The following TAF1 variants were observed in gnomAD, a reference collection of about 807,000 sequenced individuals.
TAF1 encodes the protein TATA-box binding protein associated factor 1.
Under a neutral mutation model 138.5 loss-of-function variants are expected in TAF1, and 2 were observed. The observed-to-expected ratio is 0.01, with a 90% CI of 0.01 to 0.05. TAF1 has a LOEUF of 0.05. Ranked by LOEUF, TAF1 falls within the 10% of genes least tolerant of loss-of-function variation. TAF1 has a pLI of 1.00. For synonymous variants in TAF1, 437 were observed against 503.2 expected (o/e 0.87, Z 1.76); for missense variants, 709 against 1,478.0 (o/e 0.48, Z 8.53).
Position 71,528,538 on chromosome X carries a change from A to T in TAF1, c.1367-4A>T, listed in dbSNP as rs1443011971. The T allele has an allele frequency of 2.4e-5, 8 of 327,597 alleles. No homozygotes were observed. In the Admixed American group the frequency reaches 2.5e-4, roughly 10 times the overall value. The allele number at this position is 327,597 out of a possible 1,213,427, so 27.0% of individuals were successfully genotyped here. On this transcript the variant is annotated splice_region_variant and splice_polypyrimidine_tract_variant and intron_variant and NMD_transcript_variant, in intron 13 of 14. Coordinates refer to the TAF1 transcript ENST00000373775. ...CTTGGGCTCTGCATTGTAACTCCTT[A>T]CAGGTACCAATGAACAAGCCATTCA...
chrX:71,422,297 C>T (rs2036387675), intron 29 of TAF1, among the ~76,000 whole-genome samples: 1 of 108,601 alleles, frequency 9.2e-6, no homozygotes. Flanking sequence ...GTTGTTGACA[C>T]ATCCTTTTTG....
At chrX:71,494,901 G>A (rs942612991) in intron 13 of TAF1, among the ~76,000 whole-genome samples, 2 of 112,215 alleles carry the variant, frequency 1.8e-5, no homozygotes, top group Non-Finnish European at 3.8e-5. Context: ...CCCTGCCCAC[G>A]TCCTGCTGAT....
rs148599863 is a variant in TAF1 at position 71,378,313 on chromosome X, A to G, written c.1012A>G (p.Arg338Gly). ...DIDKVTDTKP[R>G]VAEWRYGPAR... ...AGATAAAGTGACAGATACCAAACCA[A>G]GAGTGGCTGAGTGGCGTTATGGGCC... The change falls in exon 7 of 38, where the codon AGA becomes GGA. Residue 338 changes from arginine (R) to glycine (G), a missense_variant. Physicochemically the swap from Arg to Gly is moderately radical, Grantham distance 125. This residue lies in a region of TAF1 where 201 missense variants were observed against 421.3 expected (regional missense o/e 0.48). Coordinates refer to ENST00000423759, the MANE Select transcript of TAF1 (RefSeq NM_004606.5). 7.4e-6 allele frequency: 9 copies of G among 1,210,147 alleles called. No individual in the cohort carries two copies. The African/African-American group carries it at 1.6e-4, about 21-fold the overall frequency.
chrX:71,524,465 C>T (rs1443508608), intron 13 of TAF1, among the ~76,000 whole-genome samples: 1 of 111,293 alleles, frequency 9.0e-6, no homozygotes, highest in East Asian at 2.8e-4. Flanking sequence ...AAATTAAGTA[C>T]CTTTTCCCCT....
intron 4 of TAF1, among the ~76,000 whole-genome samples, chrX:71,376,330 A>G (rs1376821181): frequency 1.8e-5 from 2 of 111,593 alleles, no homozygotes; most frequent in African/African-American, 3.3e-5. Flanking sequence ...AAAGTATTAC[A>G]TAGTTTTGCT....
chrX:71,499,855 T>G (rs1162826652), intron 13 of TAF1, among the ~76,000 whole-genome samples: 2 of 112,133 alleles, frequency 1.8e-5, no homozygotes, highest in Non-Finnish European at 3.8e-5. Flanking sequence ...TAGCATGACA[T>G]CTCTCCAAGT....
chrX:71,468,383 T>A (rs771557641), downstream of TAF1, among the ~76,000 whole-genome samples: 6 of 111,486 alleles, frequency 5.4e-5, no homozygotes, highest in African/African-American at 2.0e-4. Flanking sequence ...ATTATATTTT[T>A]AATATTAAAA....
At chrX:71,408,800 C>T (rs2035610944) in intron 28 of TAF1, among the ~76,000 whole-genome samples, 2 of 110,930 alleles carry the variant, frequency 1.8e-5, no homozygotes, top group African/African-American at 3.3e-5. Context: ...CCAAGGCAGG[C>T]GGATCACAAA....
At chrX:71,399,309 T>G (rs1406083217) in intron 24 of TAF1, among the ~76,000 whole-genome samples, 1 of 95,346 alleles carries the variant, frequency 1.0e-5, no homozygotes, top group Non-Finnish European at 2.1e-5. Flanking sequence ...CAGGCTGGAG[T>G]GCAATGGCGC....
At chrX:71,460,087 A>C (rs1275274735) in intron 36 of TAF1, among the ~76,000 whole-genome samples, 1 of 111,489 alleles carries the variant, frequency 9.0e-6, no homozygotes, top group East Asian at 2.8e-4. Context: ...AAAAGTAAAT[A>C]AATAAAAATT....
intron 13 of TAF1, among the ~76,000 whole-genome samples, chrX:71,496,843 T>C (rs771528147): frequency 3.6e-5 from 4 of 111,735 alleles, no homozygotes; most frequent in African/African-American, 6.5e-5. Flanking sequence ...CCTTTGACTT[T>C]CGCTTCAGCA....
chrX:71,417,756 A>G (rs1413498558), intron 28 of TAF1, among the ~76,000 whole-genome samples: 4 of 111,526 alleles, frequency 3.6e-5, no homozygotes, highest in African/African-American at 6.5e-5. Flanking sequence ...TCCACTCATT[A>G]TGTGTTTATT....
chrX:71,417,720 C>A (rs2036098929), intron 28 of TAF1, among the ~76,000 whole-genome samples: 1 of 111,357 alleles, frequency 9.0e-6, no homozygotes, highest in African/African-American at 3.3e-5. Flanking sequence ...GTTGTGCTGT[C>A]AGCAGTAAAT....
chrX:71,378,417 A>C lies in TAF1; in HGVS notation c.1116A>C (p.Thr372=), dbSNP rs749353610. Residue 372 remains threonine, a synonymous_variant, in exon 7 of 38, where the codon ACA becomes ACC. Transcript: ENST00000423759. ...GFDYGFKLRK[T]EHEPVIKSRM... Reference sequence around the variant, plus strand: ...ACTATGGCTTCAAACTGAGAAAGACAGAACATGAACCTGTGATAAAATCTA... The same window carrying C: ...ACTATGGCTTCAAACTGAGAAAGACCGAACATGAACCTGTGATAAAATCTA... The C allele has an allele frequency of 6.1e-5, 74 of 1,210,737 alleles. No individual in the cohort carries two copies. The Admixed American group carries it at 1.1e-3, about 18-fold the overall frequency.
intron 37 of TAF1, 33 bp from the exon 38 acceptor site, chrX:71,463,791 C>T (rs372740933): frequency 1.5e-4 from 178 of 1,190,512 alleles, no homozygotes; most frequent in Non-Finnish European, 1.8e-4. Context: ...GGATGGTGTC[C>T]GAGCTTGAGA....
downstream of TAF1, among the ~76,000 whole-genome samples, chrX:71,467,461 CT>C (rs752502843): frequency 1.8e-4 from 20 of 111,536 alleles, no homozygotes; most frequent in African/African-American, 5.9e-4. Context: ...GTGCTTATTT[CT>C]TCTAAGTTTG....
intron 13 of TAF1, among the ~76,000 whole-genome samples, chrX:71,504,741 C>CAAAAAAAAAAAA (rs41370846): frequency 0.013 from 77 of 5,726 alleles, 2 homozygotes; most frequent in Non-Finnish European, 0.019. Context: ...GACCCTGTCT[C>CAAAAAAAAAAAA]AAAAAAAAAA....
intron 13 of TAF1, among the ~76,000 whole-genome samples, chrX:71,518,302 G>A (rs1309692987): frequency 1.8e-5 from 2 of 111,392 alleles, no homozygotes; most frequent in African/African-American, 6.5e-5. Flanking sequence ...CAAGTAGCTG[G>A]GATTACAGGC....
chrX:71,397,285 A>C lies in TAF1; in HGVS notation c.3439A>C (p.Arg1147=). Residue 1147 remains arginine, a synonymous_variant, in exon 23 of 38, where the codon AGA becomes CGA. Transcript: ENST00000423759. ...AGSAASGNNH[R]DDDTASVTSL... Reference sequence around the variant, plus strand: ...CTCAGCAGCATCCGGAAACAATCACAGAGATGATGACACAGCTTCCGTGAC... The same window carrying C: ...CTCAGCAGCATCCGGAAACAATCACCGAGATGATGACACAGCTTCCGTGAC... 1 of 1,211,467 alleles carries C rather than the reference A, an allele frequency of 8.3e-7. No homozygotes were observed.
Sources: allele counts gnomAD v4.1 joint callset (sites outside exome capture counted in the v4.1 genomes callset), GRCh38; gene constraint gnomAD v4.1.1; regional missense constraint gnomAD v4.1.1; transcripts MANE v1.5; gene names NCBI Gene and HGNC (gene_info 2026-07-23, HGNC 2026-07-21).